Variants in ERCC6 observed in about 807,000 individuals in gnomAD.
The protein encoded by ERCC6 is ERCC excision repair 6, chromatin remodeling factor, also known as DNA excision repair protein ERCC-6.
A neutral mutation model predicts 158.7 loss-of-function variants in ERCC6; 116 were observed. The observed-to-expected ratio is 0.73, with a 90% CI of 0.63 to 0.85. The LOEUF (loss-of-function observed/expected upper bound fraction) is 0.85. Among genes scored for constraint, ERCC6 ranks in the 40% least tolerant of loss-of-function variants. The probability of loss-of-function intolerance (pLI) is 0.00; values close to 1 mark genes in which losing one functional copy is unlikely to be tolerated. For synonymous variants in ERCC6, 678 were observed against 659.3 expected (o/e 1.03, Z -0.43); for missense variants, 1,698 against 1,799.4 (o/e 0.94, Z 1.02).
the ERCC6 span, among the ~76,000 whole-genome samples, chr10:49,444,405 T>C: frequency 6.6e-6 from 1 of 151,934 alleles, no homozygotes; most frequent in Non-Finnish European, 1.5e-5. Flanking sequence ...ACCCAAGATC[T>C]GAAGAAAACC....
rs4253191 is a variant in ERCC6 at position 49,475,044 on chromosome 10, G to C, written c.2383-802C>G. Among the ~76,000 whole-genome samples, 738 of 152,272 alleles carry C rather than the reference G, an allele frequency of 4.8e-3. 5 individuals are homozygous for C. Among genetic ancestry groups the C allele is most frequent in the African/African-American group, 0.016 (665 of 41,560 alleles). ...GATTAACAATAAATGATCTGAATAA[G>C]TCAGGAACATTGGTAAACCTCCCCA... is the stretch of plus-strand genomic sequence containing the variant. On this transcript the variant is annotated intron_variant, in intron 12 of 20. Transcript: ENST00000355832.
chr10:49,535,157 G>T (rs1837568184), intron 1 of ERCC6, among the ~76,000 whole-genome samples: 1 of 152,170 alleles, frequency 6.6e-6, no homozygotes. Flanking sequence ...AAAAAGTTTG[G>T]TCTGGACAAA....
intron 4 of ERCC6, 82 bp from the exon 5 acceptor site, chr10:49,524,859 T>C: frequency 6.4e-7 from 1 of 1,571,468 alleles, no homozygotes; most frequent in Non-Finnish European, 8.6e-7. Context: ...TTTCAAGAAA[T>C]ATTAGGCAGC....
chr10:49,529,169 A>G (rs921679532), intron 3 of ERCC6, among the ~76,000 whole-genome samples: 4 of 152,228 alleles, frequency 2.6e-5, no homozygotes, highest in African/African-American at 4.8e-5. Flanking sequence ...GGCCCAATGA[A>G]CTGGGCTTGT....
intron 16 of ERCC6, among the ~76,000 whole-genome samples, chr10:49,472,128 G>A (rs936661611): frequency 1.3e-5 from 2 of 152,180 alleles, no homozygotes; most frequent in African/African-American, 4.8e-5. Flanking sequence ...AAGTTTACAT[G>A]TATGTGATTC....
At chr10:49,499,063 C>A (rs978869459) in intron 7 of ERCC6, among the ~76,000 whole-genome samples, 15 of 152,180 alleles carry the variant, frequency 9.9e-5, no homozygotes, top group African/African-American at 2.9e-4. Context: ...AATTAACAGT[C>A]ATAGATAAGA....
In ERCC6 at chr10:49,524,145, T is replaced by G. The variant is rs1252759388; in HGVS notation, c.1285A>C (p.Ser429Arg). ...VQEIDDDFFPSSGEEAEAASV... is the reference protein window; with the variant it reads ...VQEIDDDFFPRSGEEAEAASV... ...GCAGCTTCAGCTTCTTCCCCAGAACTTGGGAAAAAGTCATCATCAATCTCC... is the reference window on the plus strand; with the variant it reads ...GCAGCTTCAGCTTCTTCCCCAGAACGTGGGAAAAAGTCATCATCAATCTCC... The change falls in exon 5 of 21, where the codon AGT becomes CGT. Residue 429 changes from serine (S) to arginine (R), a missense_variant. Coordinates refer to ENST00000355832, the MANE Select transcript of ERCC6 (RefSeq NM_000124.4). 1 of 1,614,110 alleles carries G rather than the reference T, an allele frequency of 6.2e-7. No homozygotes were observed. The highest frequency in any genetic ancestry group is 8.5e-7 in the Non-Finnish European group (1 of 1,180,022).
chr10:49,480,024 C>T (rs1230133141), intron 10 of ERCC6, among the ~76,000 whole-genome samples: 3 of 152,192 alleles, frequency 2.0e-5, no homozygotes, highest in Non-Finnish European at 4.4e-5. Context: ...AGGCAAGTCA[C>T]CAGAACGCTG....
intron 4 of ERCC6, among the ~76,000 whole-genome samples, chr10:49,526,105 ATTTATATATT>A (rs1258412947): frequency 0.012 from 1,187 of 98,708 alleles, 53 homozygotes; most frequent in South Asian, 0.029. Flanking sequence ...ATATTTATAT[ATTTATATATT>A]TTTATATATA....
intron 14 of ERCC6, 24 bp from the exon 15 acceptor site, chr10:49,473,052 G>A (rs192697328): frequency 2.2e-4 from 356 of 1,613,842 alleles, no homozygotes; most frequent in Non-Finnish European, 2.4e-4. Context: ...ACACAACACT[G>A]AGCACACACA....
At chr10:49,438,203 C>T in the ERCC6 span, among the ~76,000 whole-genome samples, 4 of 152,166 alleles carry the variant, frequency 2.6e-5, no homozygotes, top group Admixed American at 6.5e-5. Flanking sequence ...GACCAATACA[C>T]GTCAACTTTA....
chr10:49,505,389 A>G (rs1851426259), intron 6 of ERCC6: 1 of 152,858 alleles, frequency 6.5e-6, no homozygotes, highest in South Asian at 2.1e-4. Flanking sequence ...CCTACATAAA[A>G]TATTTAGATG....
chr10:49,505,954 A>C lies in ERCC6; in HGVS notation c.1456T>G (p.Ser486Ala), dbSNP rs1236829441. ...TCAAATTCAGCATCACTTTCCTCAG[A>C]ATCGTCCTCCAGCTTCAGACGTTTC... ...KEKRLKLEDD[S>A]EESDAEFDEG... Residue 486 changes from serine to alanine, a missense_variant, in exon 6 of 21, where the codon TCT becomes GCT. By Grantham distance (99) the Ser-to-Ala change is moderately conservative (BLOSUM62 1). Coordinates refer to ENST00000355832, the MANE Select transcript of ERCC6 (RefSeq NM_000124.4). 13 of 1,613,534 alleles carry C rather than the reference A, an allele frequency of 8.1e-6. No individual in the cohort carries two copies. The South Asian group carries it at 1.4e-4, about 18-fold the overall frequency.
At chr10:49,441,532 CT>C in the ERCC6 span, among the ~76,000 whole-genome samples, 1 of 152,232 alleles carries the variant, frequency 6.6e-6, no homozygotes, top group Non-Finnish European at 1.5e-5. Context: ...TTTACATTTC[CT>C]CCTCTTCCCT....
intron 6 of ERCC6, 121 bp downstream of exon 6, chr10:49,505,763 T>C: frequency 8.7e-7 from 1 of 1,155,992 alleles, no homozygotes; most frequent in South Asian, 1.4e-5. Flanking sequence ...TATCTGTTTT[T>C]GCAACAAATT....
At chr10:49,511,842 A>T (rs947766324) in intron 5 of ERCC6, among the ~76,000 whole-genome samples, 1 of 152,232 alleles carries the variant, frequency 6.6e-6, no homozygotes, top group East Asian at 1.9e-4. Flanking sequence ...AACCGAATGT[A>T]GGCAAAAGAG....
At chr10:49,479,734 G>A (rs1850943910) in intron 10 of ERCC6, among the ~76,000 whole-genome samples, 1 of 152,182 alleles carries the variant, frequency 6.6e-6, no homozygotes, top group Non-Finnish European at 1.5e-5. Flanking sequence ...CTGGTTGGAG[G>A]TGCTGGTCAA....
At chr10:49,452,383 T>C (rs1001730449), downstream of ERCC6, among the ~76,000 whole-genome samples, 11 of 152,032 alleles carry the variant, frequency 7.2e-5, no homozygotes, top group African/African-American at 2.7e-4. Flanking sequence ...ATTTCCTAAT[T>C]GTGAGTTCTT....
intron 8 of ERCC6, among the ~76,000 whole-genome samples, chr10:49,484,031 C>G (rs936565406): frequency 6.6e-6 from 1 of 151,798 alleles, no homozygotes; most frequent in Non-Finnish European, 1.5e-5. Context: ...GTAATCCCAG[C>G]ACTTTGGGAG....
Sources: allele counts gnomAD v4.1 joint callset (sites outside exome capture counted in the v4.1 genomes callset), GRCh38; gene constraint gnomAD v4.1.1; transcripts MANE v1.5; gene names NCBI Gene and HGNC (gene_info 2026-07-23, HGNC 2026-07-21).